Variants in NOTCH2NLC observed in about 807,000 individuals in gnomAD.
NOTCH2NLC encodes the protein notch 2 N-terminal like C, also known as notch homolog 2 N-terminal-like protein C.
NOTCH2NLC carries 4 observed loss-of-function variants against 17.7 expected under a neutral mutation model. The ratio of observed to expected loss-of-function variants is 0.23; its 90% CI spans 0.11 to 0.52. The LOEUF is 0.52. NOTCH2NLC is among the 20% of genes least tolerant of loss of function. NOTCH2NLC has a pLI of 0.96. For synonymous variants in NOTCH2NLC, 18 were observed against 86.0 expected (o/e 0.21, Z 4.38); for missense variants, 57 against 207.2 (o/e 0.28, Z 4.45).
rs1292799939 is a variant in NOTCH2NLC, at chr1:149,448,882, AT to A, written c.210-6419del. Among the ~76,000 whole-genome samples, 577 of 129,242 alleles carry A rather than the reference AT, an allele frequency of 4.5e-3. 2 individuals are homozygous for A. Among genetic ancestry groups the A allele is most frequent in the African/African-American group, 0.012 (409 of 34,690 alleles). 84.8% of individuals were successfully genotyped at this position (129,242 alleles called of 152,430 possible). A position where few individuals can be genotyped will look rare whatever the true frequency, so the allele number is the denominator to read the frequency against. On this transcript the variant is annotated intron_variant, in intron 2 of 4. Coordinates refer to ENST00000650865, the MANE Select transcript of NOTCH2NLC (RefSeq NM_001364013.2). Reference sequence around the variant, plus strand: ...TGCCTCTTCCATCTACTAGCTGTGAATTTTTTTTTTTTTTTTTGAGAGGGAG... The same window carrying A: ...TGCCTCTTCCATCTACTAGCTGTGAATTTTTTTTTTTTTTTTGAGAGGGAG...
chr1:149,445,369 CTACTT>C (rs2084543538), intron 2 of NOTCH2NLC, among the ~76,000 whole-genome samples: 1 of 129,596 alleles, frequency 7.7e-6, no homozygotes, highest in Non-Finnish European at 1.7e-5. Flanking sequence ...TTATTTTTAT[CTACTT>C]TAACAGGGGG....
At position 149,390,942 on chromosome 1, in the gene NOTCH2NLC, G is replaced by A; in HGVS notation, c.135+20G>A. The A allele has an allele frequency of 7.3e-7, 1 of 1,373,682 alleles. No individual in the cohort carries two copies. The highest frequency in any genetic ancestry group is 9.4e-7 in the Non-Finnish European group (1 of 1,067,946). The allele number at this position is 1,373,682 out of a possible 1,614,324, so 85.1% of individuals were successfully genotyped here. ...CGCATGGTGAGTATCGGGCTGAGGG[G>A]CGCTGTCCGCGGCGCCCGGGGCTGC... On this transcript the variant is annotated intron_variant, in intron 1 of 4. Transcript: ENST00000650865.
chr1:149,424,766 G>T (rs1467902684), intron 1 of NOTCH2NLC, among the ~76,000 whole-genome samples: 3 of 151,224 alleles, frequency 2.0e-5, no homozygotes, highest in Admixed American at 6.6e-5. Flanking sequence ...GCCAACATCT[G>T]CTTCTGGTGA....
At chr1:149,448,921 G>A (rs1207143141) in intron 2 of NOTCH2NLC, among the ~76,000 whole-genome samples, 6 of 142,898 alleles carry the variant, frequency 4.2e-5, no homozygotes, top group South Asian at 2.3e-4. Flanking sequence ...TCGCTCTGTC[G>A]CCCAGGCTGG....
chr1:149,434,585 G>GGGTGAGT (rs1312001674), intron 2 of NOTCH2NLC, among the ~76,000 whole-genome samples: 1 of 71,096 alleles, frequency 1.4e-5, no homozygotes, highest in Admixed American at 1.6e-4. Flanking sequence ...GCCAGCGTGG[G>GGGTGAGT]GGTGAGTGGT....
intron 1 of NOTCH2NLC, among the ~76,000 whole-genome samples, chr1:149,402,326 C>T (rs1289092555): frequency 4.0e-5 from 6 of 150,908 alleles, no homozygotes; most frequent in African/African-American, 1.5e-4. Flanking sequence ...GGTGATCCAC[C>T]CACCTCAGCC....
At chr1:149,429,699 T>C (rs1483490431) in intron 1 of NOTCH2NLC, among the ~76,000 whole-genome samples, 2 of 151,374 alleles carry the variant, frequency 1.3e-5, no homozygotes. Flanking sequence ...CAGTAATTGT[T>C]GGTGGAGGAG....
intron 2 of NOTCH2NLC, among the ~76,000 whole-genome samples, chr1:149,445,842 A>T (rs1424664099): frequency 1.6e-5 from 2 of 126,802 alleles, no homozygotes; most frequent in South Asian, 5.1e-4. Flanking sequence ...TTCTTCTTGT[A>T]TGTGGTGGGG....
At chr1:149,394,418 G>A (rs1391458039) in intron 1 of NOTCH2NLC, among the ~76,000 whole-genome samples, 29 of 151,290 alleles carry the variant, frequency 1.9e-4, no homozygotes, top group African/African-American at 5.8e-4. Context: ...AATTGCTGAC[G>A]TAAGAGATAT....
chr1:149,415,204 A>T (rs1260117183), intron 1 of NOTCH2NLC, among the ~76,000 whole-genome samples: 3 of 91,054 alleles, frequency 3.3e-5, no homozygotes, highest in African/African-American at 1.3e-4. Flanking sequence ...GGGGGAATCT[A>T]CCAGAGTGTC....
At chr1:149,430,606 G>A (rs2084443207) in intron 1 of NOTCH2NLC, among the ~76,000 whole-genome samples, 1 of 142,072 alleles carries the variant, frequency 7.0e-6, no homozygotes, top group South Asian at 2.3e-4. Context: ...ATACTCATCT[G>A]AAGTATCTAA....
At chr1:149,409,594 TCAA>T (rs1359314446) in intron 1 of NOTCH2NLC, among the ~76,000 whole-genome samples, 2 of 145,470 alleles carry the variant, frequency 1.4e-5, no homozygotes, top group Admixed American at 6.9e-5. Context: ...CTCGTCATTA[TCAA>T]CAACAATAAT....
intron 3 of NOTCH2NLC, among the ~76,000 whole-genome samples, chr1:149,463,029 T>C (rs2084659330): frequency 1.4e-5 from 2 of 147,960 alleles, no homozygotes; most frequent in Non-Finnish European, 3.0e-5. Flanking sequence ...AGAGACAGGG[T>C]TTCACCATAT....
At chr1:149,432,235 A>G (rs1173023671) in intron 2 of NOTCH2NLC, among the ~76,000 whole-genome samples, 17 of 148,018 alleles carry the variant, frequency 1.1e-4, no homozygotes, top group Non-Finnish European at 1.8e-4. Flanking sequence ...TGTAATTACA[A>G]CTTTTTTCCA....
At chr1:149,415,075 T>A (rs1201715857) in intron 1 of NOTCH2NLC, among the ~76,000 whole-genome samples, 1 of 108,792 alleles carries the variant, frequency 9.2e-6, no homozygotes, top group African/African-American at 3.5e-5. Flanking sequence ...ACCCATATGA[T>A]GATTAGTTTG....
chr1:149,420,117 A>G (rs2084371245), intron 1 of NOTCH2NLC, among the ~76,000 whole-genome samples: 1 of 149,706 alleles, frequency 6.7e-6, no homozygotes, highest in Admixed American at 6.7e-5. Flanking sequence ...TGATCCGCCC[A>G]CCTCGGCCTC....
rs1440275833 is a variant in NOTCH2NLC at position 149,471,586 on chromosome 1, G to C, written c.*7433G>C. On this transcript the variant is annotated 3_prime_UTR_variant, in exon 5 of 5. Coordinates refer to ENST00000650865, the MANE Select transcript of NOTCH2NLC (RefSeq NM_001364013.2). ...CCCAGAACAAGTACATCTATATATA[G>C]AGAAAGTAGATTAGTGGTTGTCAGA... 6.7e-6 allele frequency among the ~76,000 whole-genome samples: 1 copy of C among 150,014 alleles called. No homozygotes were observed. The highest frequency in any genetic ancestry group is 1.5e-5 in the Non-Finnish European group (1 of 67,276).
intron 1 of NOTCH2NLC, among the ~76,000 whole-genome samples, chr1:149,416,803 G>A (rs1486960066): frequency 4.1e-5 from 6 of 147,140 alleles, no homozygotes; most frequent in Non-Finnish European, 6.0e-5. Flanking sequence ...GTTTTCAAAA[G>A]TGGGGTTCTT....
intron 1 of NOTCH2NLC, among the ~76,000 whole-genome samples, chr1:149,393,649 C>T (rs1448302214): frequency 1.4e-5 from 2 of 146,122 alleles, no homozygotes; most frequent in Admixed American, 6.9e-5. Flanking sequence ...GATAATTTCT[C>T]AGCTGAATTC....
Sources: gnomAD v4.1 joint callset for allele counts (sites outside exome capture counted in the v4.1 genomes callset) on GRCh38, gnomAD v4.1.1 for gene constraint, MANE v1.5 for transcripts, NCBI Gene and HGNC (gene_info 2026-07-23, HGNC 2026-07-21) for gene names.